Variants in TENM2 observed in about 807,000 individuals in gnomAD.
TENM2 encodes teneurin-2.
TENM2 carries 52 observed loss-of-function variants against 245.2 expected under a neutral mutation model. That is an observed-to-expected ratio of 0.21 (90% CI 0.17 to 0.27). The LOEUF (loss-of-function observed/expected upper bound fraction) is 0.27, where lower values mean the gene tolerates loss of function less well. Ranked by LOEUF, TENM2 falls within the 10% of genes least tolerant of loss-of-function variation. The pLI is 1.00. For missense variants in TENM2, 3,046 were observed against 3,666.8 expected, an observed-to-expected ratio of 0.83 and a Z score of 4.37; for synonymous variants, 1,363 against 1,438.9, an observed-to-expected ratio of 0.95 and a Z score of 1.19.
intron 2 of TENM2, among the ~76,000 whole-genome samples, chr5:167,495,651 G>A (rs1034478074): frequency 6.6e-6 from 1 of 152,044 alleles, no homozygotes; most frequent in Middle Eastern, 3.2e-3. Flanking sequence ...GATCCGGATT[G>A]TTCTTCTCTT....
chr5:168,250,068 ATGGATGGCTGAC>A (rs1766961304), intron 27 of TENM2, among the ~76,000 whole-genome samples: 1 of 152,002 alleles, frequency 6.6e-6, no homozygotes, highest in Non-Finnish European at 1.5e-5. Flanking sequence ...GGATGGCTGG[ATGGATGGCTGAC>A]TGGATGGCTG....
At chr5:167,555,711 C>G (rs1773221466) in intron 2 of TENM2, among the ~76,000 whole-genome samples, 1 of 152,002 alleles carries the variant, frequency 6.6e-6, no homozygotes, top group Non-Finnish European at 1.5e-5. Flanking sequence ...AGAATAAATC[C>G]CTCCCTGACA....
chr5:167,166,448 C>G, the TENM2 span, among the ~76,000 whole-genome samples: 1 of 152,116 alleles, frequency 6.6e-6, no homozygotes, highest in African/African-American at 2.4e-5. Flanking sequence ...ATGTGGGACT[C>G]TCTGTCCTTT....
chr5:168,182,880 G>T (rs10078128), intron 13 of TENM2, among the ~76,000 whole-genome samples: 1 of 145,868 alleles, frequency 6.9e-6, no homozygotes, highest in Admixed American at 7.0e-5. Flanking sequence ...ACCCAGCCTG[G>T]AGTGCAGTGA....
At chr5:167,062,762 A>G in the TENM2 span, among the ~76,000 whole-genome samples, 2 of 152,330 alleles carry the variant, frequency 1.3e-5, no homozygotes, top group South Asian at 2.1e-4. Context: ...TGAAGAAAAT[A>G]TAATAGGGTA....
the TENM2 span, among the ~76,000 whole-genome samples, chr5:167,076,232 A>G: frequency 1.3e-5 from 2 of 152,194 alleles, no homozygotes; most frequent in African/African-American, 4.8e-5. Flanking sequence ...TTATAGTTCT[A>G]GGGCAGCCGT....
intron 1 of TENM2, among the ~76,000 whole-genome samples, chr5:167,359,818 T>C (rs11742583): frequency 0.19 from 28,614 of 152,136 alleles, 2,934 homozygotes; most frequent in Non-Finnish European, 0.24. Flanking sequence ...ATTTACACCA[T>C]GGAATACTAT....
chr5:167,196,050 G>A, the TENM2 span, among the ~76,000 whole-genome samples: 1 of 151,920 alleles, frequency 6.6e-6, no homozygotes, highest in African/African-American at 2.4e-5. Context: ...TTTTGTCTTT[G>A]AGCAAGCATC....
chr5:167,218,395 T>A, the TENM2 span, among the ~76,000 whole-genome samples: 21 of 152,284 alleles, frequency 1.4e-4, no homozygotes, highest in East Asian at 4.1e-3. Flanking sequence ...CCTGGTTGCT[T>A]ATTTCTACAC....
chr5:167,383,526 C>T (rs769221537), intron 2 of TENM2, among the ~76,000 whole-genome samples: 3 of 151,966 alleles, frequency 2.0e-5, no homozygotes, highest in Non-Finnish European at 2.9e-5. Flanking sequence ...GTGGGGAATC[C>T]GCTTTCCTTG....
At chr5:168,070,973 A>G (rs1165990816) in intron 7 of TENM2, among the ~76,000 whole-genome samples, 10 of 151,508 alleles carry the variant, frequency 6.6e-5, no homozygotes, top group African/African-American at 2.4e-4. Flanking sequence ...AGGGAAAGGG[A>G]AAGGGAAAGG....
the TENM2 span, among the ~76,000 whole-genome samples, chr5:167,205,610 T>C: frequency 7.0e-3 from 1,060 of 152,228 alleles, 9 homozygotes; most frequent in African/African-American, 0.024. Context: ...TAAGATGCCA[T>C]ATTAGTTTTC....
intron 7 of TENM2, among the ~76,000 whole-genome samples, chr5:168,081,903 T>C (rs1792040018): frequency 6.6e-6 from 1 of 152,226 alleles, no homozygotes; most frequent in South Asian, 2.1e-4. Flanking sequence ...CTGACAATTA[T>C]GTGTCTTGGA....
intron 2 of TENM2, among the ~76,000 whole-genome samples, chr5:167,782,509 A>G (rs911238933): frequency 6.6e-6 from 1 of 151,984 alleles, no homozygotes; most frequent in African/African-American, 2.4e-5. Flanking sequence ...AGATGGGAAG[A>G]TGCTCTCACC....
the TENM2 span, among the ~76,000 whole-genome samples, chr5:167,071,882 C>CCT: frequency 7.1e-6 from 1 of 141,148 alleles, no homozygotes; most frequent in South Asian, 2.6e-4. Context: ...CAAATCGCCC[C>CCT]CCCCCGCCCC....
At chr5:168,262,789 G>C (rs1287535939) in exon 29 of TENM2, 1 of 1,604,642 alleles carries the variant, frequency 6.2e-7, no homozygotes, top group Admixed American at 1.7e-5. Context: ...TTTTAAGACA[G>C]AATGAGATGG....
At chr5:166,999,552 T>C in the TENM2 span, among the ~76,000 whole-genome samples, 1 of 151,878 alleles carries the variant, frequency 6.6e-6, no homozygotes, top group Non-Finnish European at 1.5e-5. Flanking sequence ...ATTCAAGTGA[T>C]AAAAGTAAGA....
intron 23 of TENM2, among the ~76,000 whole-genome samples, chr5:168,221,105 C>T (rs773286614): frequency 6.8e-6 from 1 of 147,914 alleles, no homozygotes. Flanking sequence ...GAGCAACACT[C>T]TGTCTCAAAA....
chr5:167,377,182 A>C (rs950930711), intron 2 of TENM2, among the ~76,000 whole-genome samples: 12 of 152,192 alleles, frequency 7.9e-5, no homozygotes, highest in Admixed American at 2.0e-4. Flanking sequence ...TCTGAAATTC[A>C]TCATATATTT....
Sources: allele counts gnomAD v4.1 joint callset (sites outside exome capture counted in the v4.1 genomes callset), GRCh38; gene constraint gnomAD v4.1.1; transcripts MANE v1.5; gene names NCBI Gene and HGNC (gene_info 2026-07-23, HGNC 2026-07-21).